KCNK2: variants seen among roughly 807,000 people sequenced by gnomAD.
KCNK2 encodes the protein potassium two pore domain channel subfamily K member 2.
KCNK2 carries 21 observed loss-of-function variants against 40.5 expected under a neutral mutation model. The observed-to-expected ratio is 0.52, with a 90% CI of 0.37 to 0.75. The LOEUF (loss-of-function observed/expected upper bound fraction) is 0.75, where lower values mean the gene tolerates loss of function less well. Ranked by LOEUF, KCNK2 falls within the 30% of genes least tolerant of loss-of-function variation. The probability of loss-of-function intolerance (pLI) is 0.00; values close to 1 mark genes in which losing one functional copy is unlikely to be tolerated. For synonymous variants in KCNK2, 191 were observed against 202.2 expected, an observed-to-expected ratio of 0.94 and a Z score of 0.47; for missense variants, 399 against 531.6, an observed-to-expected ratio of 0.75 and a Z score of 2.45.
At chr1:215,114,164 T>G (rs1344420733) in intron 2 of KCNK2, among the ~76,000 whole-genome samples, 1 of 152,176 alleles carries the variant, frequency 6.6e-6, no homozygotes, top group Non-Finnish European at 1.5e-5. Flanking sequence ...ACCAGCCTCA[T>G]GCTTATTATG....
intron 6 of KCNK2, among the ~76,000 whole-genome samples, chr1:215,219,481 T>C (rs111819467): frequency 1.0e-3 from 151 of 150,560 alleles, no homozygotes; most frequent in African/African-American, 3.7e-3. Flanking sequence ...CACTGAAACA[T>C]AAATGCCAAA....
Position 215,083,201 on chromosome 1 carries a change from C to CCCCCCCCCCCCCCCCCCCCCCCCCCCT in KCNK2, c.-183_-182insCCCCCCCCCCCCCCCCCCCCCCCCTCC. On this transcript the variant is annotated 5_prime_UTR_variant, in exon 1 of 7. Transcript: ENST00000444842. ...TTTCGTTTCTTCTCACGCTCCCCCC[C>CCCCCCCCCCCCCCCCCCCCCCCCCCCT]CCGCCCCCTCCCGCGTCCAGCCCCG... The CCCCCCCCCCCCCCCCCCCCCCCCCCCT allele has an allele frequency of 1.3e-6, 1 of 753,664 alleles. No homozygotes were observed. The allele number at this position is 753,664 out of a possible 1,614,324, so 46.7% of individuals were successfully genotyped here. A position where few individuals can be genotyped will look rare whatever the true frequency, so the allele number is the denominator to read the frequency against.
At chr1:215,035,694 A>G (rs1345627057) in intron 1 of KCNK2, among the ~76,000 whole-genome samples, 2 of 152,100 alleles carry the variant, frequency 1.3e-5, no homozygotes, top group Non-Finnish European at 2.9e-5. Flanking sequence ...TGAAGCTGCC[A>G]TAAACATTTG....
At position 215,096,447 on chromosome 1, in the gene KCNK2, TG is replaced by T. The variant is rs1164477991; in HGVS notation, c.357+9770del. On this transcript the variant is annotated intron_variant, in intron 2 of 6. Transcript: ENST00000444842. ...ACAGTGCATAATGATTAAATCTGGG[TG>T]ACTGGGATATTCATAACCTCAAACA... is the stretch of plus-strand genomic sequence containing the variant. 5.9e-5 allele frequency among the ~76,000 whole-genome samples: 9 copies of T among 152,076 alleles called. 1 individual carries two copies. The East Asian group carries it at 1.7e-3, about 29-fold the overall frequency.
At chr1:215,031,036 C>T (rs937127085) in intron 1 of KCNK2, among the ~76,000 whole-genome samples, 8 of 152,046 alleles carry the variant, frequency 5.3e-5, no homozygotes, top group Admixed American at 5.2e-4. Context: ...GCTTCATCGT[C>T]GAAGAACTGT....
At chr1:215,018,340 G>A (rs886466823) in intron 1 of KCNK2, among the ~76,000 whole-genome samples, 1 of 152,002 alleles carries the variant, frequency 6.6e-6, no homozygotes, top group African/African-American at 2.4e-5. Context: ...TATCAGTCTG[G>A]AACATCTTAC....
intron 1 of KCNK2, among the ~76,000 whole-genome samples, chr1:215,068,472 G>C (rs559300261): frequency 1.1e-4 from 16 of 152,260 alleles, no homozygotes; most frequent in African/African-American, 3.4e-4. Context: ...GCTCTCAATA[G>C]AAAACACTAA....
At chr1:215,011,595 A>C (rs967099163) in intron 1 of KCNK2, among the ~76,000 whole-genome samples, 1 of 149,884 alleles carries the variant, frequency 6.7e-6, no homozygotes, top group African/African-American at 2.5e-5. Context: ...CCCGGCCTTG[A>C]GTCTGATTTT....
At chr1:215,024,974 TA>T (rs1444738102) in intron 1 of KCNK2, among the ~76,000 whole-genome samples, 1 of 141,760 alleles carries the variant, frequency 7.1e-6, no homozygotes, top group African/African-American at 2.6e-5. Flanking sequence ...TTAACTGAGA[TA>T]AAACAGTGTT....
intron 2 of KCNK2, among the ~76,000 whole-genome samples, chr1:215,092,888 G>A (rs979392748): frequency 6.6e-6 from 1 of 152,166 alleles, no homozygotes; most frequent in African/African-American, 2.4e-5. Flanking sequence ...CGTGTCTCAT[G>A]CCTTTACCAA....
At chr1:215,045,811 G>A (rs1008342420) in intron 1 of KCNK2, among the ~76,000 whole-genome samples, 40 of 152,250 alleles carry the variant, frequency 2.6e-4, no homozygotes, top group South Asian at 6.2e-4. Context: ...TGGATTTGCC[G>A]TGTTAACAAA....
At chr1:215,208,208 G>C (rs1325510134) in intron 6 of KCNK2, among the ~76,000 whole-genome samples, 3 of 152,158 alleles carry the variant, frequency 2.0e-5, no homozygotes, top group Non-Finnish European at 4.4e-5. Context: ...TCTTTTGTGG[G>C]AACATGGATG....
intron 1 of KCNK2, among the ~76,000 whole-genome samples, chr1:215,063,683 C>G (rs939100095): frequency 6.6e-6 from 1 of 152,140 alleles, no homozygotes; most frequent in Non-Finnish European, 1.5e-5. Context: ...TCAGACTCCT[C>G]TGAGAGAATG....
intron 6 of KCNK2, among the ~76,000 whole-genome samples, chr1:215,225,835 G>A (rs1666364173): frequency 6.6e-6 from 1 of 152,120 alleles, no homozygotes; most frequent in Non-Finnish European, 1.5e-5. Context: ...TAGGAAGGAA[G>A]GTTGAACTTG....
At chr1:215,160,998 G>A (rs535462061) in intron 3 of KCNK2, among the ~76,000 whole-genome samples, 63 of 152,052 alleles carry the variant, frequency 4.1e-4, no homozygotes, top group African/African-American at 1.1e-3. Context: ...CATTGTGTCC[G>A]TCTCAGAGAA....
intron 1 of KCNK2, among the ~76,000 whole-genome samples, chr1:215,006,154 C>T (rs181526963): frequency 2.6e-5 from 4 of 152,052 alleles, no homozygotes; most frequent in South Asian, 2.1e-4. Context: ...ATAAATTGCA[C>T]GTTAATTCGG....
At position 215,142,843 on chromosome 1, in the gene KCNK2, T is replaced by A. The variant is rs1571660112; in HGVS notation, c.475+18093T>A. On this transcript the variant is annotated intron_variant, in intron 3 of 6. Transcript: ENST00000444842. The stretch of plus-strand genomic sequence containing the variant: ...TTAGTTGTCTTTGAAAGTTGTTTTG[T>A]TGATTTCTTGCTAAAATCCTGGGTT... Among the ~76,000 whole-genome samples, 4 of 152,168 alleles carry A rather than the reference T, an allele frequency of 2.6e-5. 1 individual carries two copies. In the East Asian group the frequency reaches 5.8e-4, roughly 22 times the overall value.
chr1:215,044,989 T>G (rs558016206), intron 1 of KCNK2, among the ~76,000 whole-genome samples: 3 of 143,902 alleles, frequency 2.1e-5, no homozygotes, highest in Non-Finnish European at 4.5e-5. Context: ...GCTAACACGG[T>G]GAAACCGCGT....
intron 1 of KCNK2, among the ~76,000 whole-genome samples, chr1:215,048,239 A>C (rs964687178): frequency 6.6e-6 from 1 of 152,164 alleles, no homozygotes; most frequent in African/African-American, 2.4e-5. Flanking sequence ...TCTTTTATCA[A>C]TTGTGAATTT....
Sources: gnomAD v4.1 joint callset for allele counts (sites outside exome capture counted in the v4.1 genomes callset) on GRCh38, gnomAD v4.1.1 for gene constraint, MANE v1.5 for transcripts, NCBI Gene and HGNC (gene_info 2026-07-23, HGNC 2026-07-21) for gene names.